The following NEO1 variants were observed in gnomAD, a reference collection of about 807,000 sequenced individuals.
NEO1 encodes neogenin 1, also known as neogenin.
Under a neutral mutation model 159.7 loss-of-function variants are expected in NEO1, and 63 were observed. That is an observed-to-expected ratio of 0.39 (90% CI 0.32 to 0.49). The LOEUF (loss-of-function observed/expected upper bound fraction) is 0.49, where lower values mean the gene tolerates loss of function less well. NEO1 is among the 20% of genes least tolerant of loss of function. The pLI is 0.85. For missense variants in NEO1, 1,615 were observed against 1,831.0 expected, an observed-to-expected ratio of 0.88 and a Z score of 2.15; for synonymous variants, 633 against 662.0, an observed-to-expected ratio of 0.96 and a Z score of 0.67.
chr15:73,116,189 T>G (rs1362153347), intron 1 of NEO1, among the ~76,000 whole-genome samples: 2 of 152,190 alleles, frequency 1.3e-5, no homozygotes, highest in Non-Finnish European at 1.5e-5. Flanking sequence ...TCTGCCTCTT[T>G]TATGTTCAAC....
At chr15:73,097,357 CTTTTTTTTTT>C (rs34372480) in intron 1 of NEO1, among the ~76,000 whole-genome samples, 2 of 102,960 alleles carry the variant, frequency 1.9e-5, no homozygotes, top group Non-Finnish European at 3.7e-5. Flanking sequence ...GTCAGAGCCT[CTTTTTTTTTT>C]TTTTTTTTTT....
intron 1 of NEO1, among the ~76,000 whole-genome samples, chr15:73,105,647 C>T (rs2070650763): frequency 6.6e-6 from 1 of 152,148 alleles, no homozygotes; most frequent in African/African-American, 2.4e-5. Flanking sequence ...GGACAGTCTT[C>T]TTATTGCCTT....
chr15:73,063,118 A>G (rs906915000), intron 1 of NEO1, among the ~76,000 whole-genome samples: 17 of 152,182 alleles, frequency 1.1e-4, no homozygotes, highest in African/African-American at 2.7e-4. Context: ...CATTTCGCCT[A>G]TGGAGGCTTA....
chr15:73,074,570 TCG>T (rs2068683208), intron 1 of NEO1, among the ~76,000 whole-genome samples: 6 of 152,238 alleles, frequency 3.9e-5, no homozygotes, highest in Non-Finnish European at 8.8e-5. Context: ...AAATGGGTTT[TCG>T]ATGTGTGAGG....
intron 7 of NEO1, among the ~76,000 whole-genome samples, chr15:73,210,554 G>A (rs562881384): frequency 1.3e-5 from 2 of 152,302 alleles, no homozygotes; most frequent in South Asian, 4.1e-4. Flanking sequence ...ACTTTTATTT[G>A]AGAAAGCAAA....
intron 5 of NEO1, among the ~76,000 whole-genome samples, chr15:73,169,593 T>C: frequency 6.6e-6 from 1 of 151,288 alleles, no homozygotes; most frequent in South Asian, 2.1e-4. Flanking sequence ...TAATAGTCTG[T>C]GAAAGTCTGT....
chr15:73,137,775 G>T (rs911346354), intron 5 of NEO1, among the ~76,000 whole-genome samples: 1 of 152,208 alleles, frequency 6.6e-6, no homozygotes, highest in Non-Finnish European at 1.5e-5. Context: ...GGGATTATAG[G>T]CATGAGCCAC....
intron 1 of NEO1, among the ~76,000 whole-genome samples, chr15:73,108,283 A>G (rs926534636): frequency 6.6e-6 from 1 of 152,182 alleles, no homozygotes; most frequent in Non-Finnish European, 1.5e-5. Flanking sequence ...AGGTTATCAC[A>G]TTGCCCCTTG....
At chr15:73,253,093 T>A (rs1177788115) in intron 11 of NEO1, among the ~76,000 whole-genome samples, 1 of 152,056 alleles carries the variant, frequency 6.6e-6, no homozygotes. Flanking sequence ...AAGTTGAGAG[T>A]CTTTAGAAGA....
chr15:73,073,805 C>T (rs1177836808), intron 1 of NEO1, among the ~76,000 whole-genome samples: 1 of 152,016 alleles, frequency 6.6e-6, no homozygotes, highest in East Asian at 1.9e-4. Flanking sequence ...TGAGAATGTA[C>T]CATACTAGGA....
chr15:73,269,533 G>A (rs1036396106), intron 16 of NEO1, among the ~76,000 whole-genome samples: 2 of 152,140 alleles, frequency 1.3e-5, no homozygotes, highest in South Asian at 2.1e-4. Context: ...GCTAATTTTT[G>A]TATTTTTAGT....
chr15:73,273,653 T>G (rs1415233819), intron 19 of NEO1, among the ~76,000 whole-genome samples, 158 bp from the exon 20 acceptor site: 1 of 152,206 alleles, frequency 6.6e-6, no homozygotes, highest in Non-Finnish European at 1.5e-5. Flanking sequence ...AATTCCTGGT[T>G]TTCAAAACTG....
chr15:73,122,685 T>A lies in NEO1; in HGVS notation c.609T>A (p.Ser203Arg), dbSNP rs781658504. 6.2e-7 allele frequency: 1 copy of A among 1,614,152 alleles called. No homozygotes were observed. The highest frequency in any genetic ancestry group is 1.1e-5 in the South Asian group (1 of 91,078). ...LLDDRVIKLP[S>R]GMLVISNATE... is the part of the protein sequence containing the mutation. ...ATGATAGAGTTATCAAACTTCCAAGTGGAATGCTGGTTATCAGCAATGCAA... is the reference window on the plus strand; with the variant it reads ...ATGATAGAGTTATCAAACTTCCAAGAGGAATGCTGGTTATCAGCAATGCAA... Residue 203 changes from serine to arginine, a missense_variant, in exon 3 of 29, where the codon AGT (serine) becomes AGA (arginine). Physicochemically the swap from Ser to Arg is moderately radical, Grantham distance 110. Around this residue, in one of 3 missense-constraint regions of NEO1, gnomAD observed 1,018 missense variants for 1,115.4 expected, o/e 0.91. Coordinates refer to ENST00000261908, the MANE Select transcript of NEO1 (RefSeq NM_002499.4).
intron 21 of NEO1, among the ~76,000 whole-genome samples, chr15:73,277,902 G>A (rs372537540): frequency 9.2e-5 from 14 of 152,270 alleles, no homozygotes; most frequent in African/African-American, 2.9e-4. Flanking sequence ...GCTCACAGCC[G>A]TGAGACAAGC....
At chr15:73,293,302 G>A in intron 25 of NEO1, 88 bp from the exon 26 acceptor site, 1 of 1,509,826 alleles carries the variant, frequency 6.6e-7, no homozygotes, top group South Asian at 1.2e-5. Context: ...ATGGGAGGTG[G>A]GAAGGGGGTG....
At chr15:73,214,225 C>G (rs143730877) in intron 7 of NEO1, among the ~76,000 whole-genome samples, 35 of 152,290 alleles carry the variant, frequency 2.3e-4, no homozygotes, top group Non-Finnish European at 1.8e-4. Flanking sequence ...TGTGGGTTGT[C>G]TGTTTACTCT....
intron 1 of NEO1, among the ~76,000 whole-genome samples, chr15:73,095,510 G>A (rs554648914): frequency 9.9e-5 from 15 of 152,012 alleles, no homozygotes; most frequent in Admixed American, 2.6e-4. Flanking sequence ...CATTTATTTG[G>A]TAGAGTACTT....
At chr15:73,189,899 A>G (rs1043059524) in intron 7 of NEO1, among the ~76,000 whole-genome samples, 9 of 152,182 alleles carry the variant, frequency 5.9e-5, no homozygotes, top group African/African-American at 2.2e-4. Flanking sequence ...TTAAAATACA[A>G]CTTTTAATAT....
intron 1 of NEO1, among the ~76,000 whole-genome samples, chr15:73,101,086 A>G (rs2070378886): frequency 6.6e-6 from 1 of 152,242 alleles, no homozygotes; most frequent in African/African-American, 2.4e-5. Context: ...TTCTCATGTA[A>G]GCATTTTAAT....
Sources: allele counts gnomAD v4.1 joint callset (sites outside exome capture counted in the v4.1 genomes callset), GRCh38; gene constraint gnomAD v4.1.1; regional missense constraint gnomAD v4.1.1; transcripts MANE v1.5; gene names NCBI Gene and HGNC (gene_info 2026-07-23, HGNC 2026-07-21).